Variants in PAK3 observed in about 807,000 individuals in gnomAD.
The protein encoded by PAK3 is serine/threonine-protein kinase PAK 3.
Under a neutral mutation model 41.0 loss-of-function variants are expected in PAK3, and 4 were observed. The ratio of observed to expected loss-of-function variants is 0.10; its 90% CI spans 0.05 to 0.22. The LOEUF is 0.22. PAK3 is among the 10% of genes least tolerant of loss of function. PAK3 has a pLI of 1.00. For missense variants in PAK3, 205 were observed against 409.9 expected (o/e 0.50, Z 4.32); for synonymous variants, 146 against 139.6 (o/e 1.05, Z -0.32).
intron 1 of PAK3, among the ~76,000 whole-genome samples, chrX:111,041,972 A>G (rs1181212169): frequency 1.8e-5 from 2 of 111,396 alleles, no homozygotes; most frequent in South Asian, 3.8e-4. Context: ...ATATTTCTTT[A>G]TTACTGCATA....
intron 1 of PAK3, among the ~76,000 whole-genome samples, chrX:111,000,787 C>T (rs1208071606): frequency 8.9e-6 from 1 of 111,901 alleles, no homozygotes; most frequent in Non-Finnish European, 1.9e-5. Context: ...TTAAAACTAG[C>T]CCTGCCCTCC....
intron 1 of PAK3, among the ~76,000 whole-genome samples, chrX:110,977,197 C>T (rs2148647724): frequency 9.1e-6 from 1 of 109,836 alleles, no homozygotes; most frequent in Admixed American, 9.8e-5. Flanking sequence ...TTGTTTGAAT[C>T]ATCTTGAGAT....
chrX:111,176,179 C>T (rs2094401641), intron 11 of PAK3, among the ~76,000 whole-genome samples: 1 of 110,710 alleles, frequency 9.0e-6, no homozygotes, highest in African/African-American at 3.3e-5. Context: ...AGCTGTCTGC[C>T]AACTCCGTCT....
intron 5 of PAK3, among the ~76,000 whole-genome samples, chrX:111,132,713 T>G (rs1377481692): frequency 1.8e-5 from 2 of 111,778 alleles, no homozygotes; most frequent in Non-Finnish European, 3.8e-5. Flanking sequence ...CTATCTCAGT[T>G]TAAAAGTTAG....
chrX:111,006,708 A>G (rs555474777), intron 1 of PAK3, among the ~76,000 whole-genome samples: 14 of 111,300 alleles, frequency 1.3e-4, no homozygotes, highest in African/African-American at 4.2e-4. Context: ...ATCCTACATC[A>G]GTGTTTCTTC....
intron 16 of PAK3, among the ~76,000 whole-genome samples, chrX:111,199,685 G>A (rs999482499): frequency 1.8e-5 from 2 of 111,738 alleles, no homozygotes; most frequent in Non-Finnish European, 3.8e-5. Context: ...GGTGAAATCA[G>A]AAACTTAATT....
intron 10 of PAK3, among the ~76,000 whole-genome samples, chrX:111,169,062 T>A (rs1306337123): frequency 1.8e-5 from 2 of 111,686 alleles, no homozygotes; most frequent in Non-Finnish European, 3.8e-5. Flanking sequence ...CCTTAAACCA[T>A]GGAGCATTTA....
chrX:111,080,356 C>T (rs1185601870), intron 1 of PAK3, among the ~76,000 whole-genome samples: 3 of 111,708 alleles, frequency 2.7e-5, no homozygotes, highest in Non-Finnish European at 5.6e-5. Flanking sequence ...CAGGTAGGAC[C>T]CTCCATCAGC....
At chrX:111,008,923 G>C (rs1005430305) in intron 1 of PAK3, among the ~76,000 whole-genome samples, 5 of 111,288 alleles carry the variant, frequency 4.5e-5, no homozygotes, top group African/African-American at 1.6e-4. Flanking sequence ...GACACAAATA[G>C]GCATTTATTG....
At chrX:111,104,162 A>T (rs2093206059) in intron 4 of PAK3, among the ~76,000 whole-genome samples, 1 of 111,393 alleles carries the variant, frequency 9.0e-6, no homozygotes, top group African/African-American at 3.3e-5. Context: ...TCAGGCAGGC[A>T]TTATAACTTC....
At chrX:111,046,464 C>T (rs1014877362) in intron 1 of PAK3, among the ~76,000 whole-genome samples, 2 of 111,587 alleles carry the variant, frequency 1.8e-5, no homozygotes, top group Non-Finnish European at 3.8e-5. Context: ...ACCATATATA[C>T]TTGTTGTGAG....
At chrX:111,162,690 A>G (rs187574275) in intron 8 of PAK3, among the ~76,000 whole-genome samples, 1 of 111,594 alleles carries the variant, frequency 9.0e-6, no homozygotes, top group African/African-American at 3.3e-5. Flanking sequence ...ATTACACTTC[A>G]TGGTTTTTTA....
At position 111,105,975 on chromosome X, in the gene PAK3, GCACAT is replaced by G. The variant is rs771941515; in HGVS notation, c.-28+2670_-28+2674del. ...ACAAATTCACATAAACATACATACT[GCACAT>G]GTACTTAACACTCACATATTCACTC... is the stretch of plus-strand genomic sequence containing the variant. On this transcript the variant is annotated intron_variant, in intron 4 of 17. Transcript: ENST00000372007. Among the ~76,000 whole-genome samples, 50 of 111,473 alleles carry G rather than the reference GCACAT, an allele frequency of 4.5e-4. 1 individual carries two copies. Among genetic ancestry groups the G allele is most frequent in the Non-Finnish European group, 5.7e-4 (30 of 53,061 alleles).
intron 1 of PAK3, among the ~76,000 whole-genome samples, chrX:111,090,124 A>G (rs1246765657): frequency 1.8e-5 from 2 of 110,329 alleles, no homozygotes; most frequent in Non-Finnish European, 3.8e-5. Context: ...GCCCACAACC[A>G]ATCTCCCTCA....
intron 1 of PAK3, among the ~76,000 whole-genome samples, chrX:111,043,696 T>C (rs975119256): frequency 8.9e-6 from 1 of 112,282 alleles, no homozygotes; most frequent in Admixed American, 9.4e-5. Flanking sequence ...AGTTTACTAA[T>C]TAAGTTTTCC....
intron 1 of PAK3, among the ~76,000 whole-genome samples, chrX:110,948,584 CT>C (rs1462066469): frequency 1.8e-5 from 2 of 111,872 alleles, no homozygotes; most frequent in Non-Finnish European, 3.8e-5. Context: ...TTCCCAGAAC[CT>C]TTTTTTCTTT....
At chrX:111,036,760 G>C (rs962858034) in intron 1 of PAK3, among the ~76,000 whole-genome samples, 5 of 111,250 alleles carry the variant, frequency 4.5e-5, no homozygotes, top group African/African-American at 1.6e-4. Context: ...CCATCATTTA[G>C]TCCCCCGATT....
chrX:111,091,917 G>A (rs1197732612), upstream of PAK3, among the ~76,000 whole-genome samples: 2 of 111,838 alleles, frequency 1.8e-5, no homozygotes, highest in East Asian at 5.6e-4. Flanking sequence ...AGCAAAAGAT[G>A]TGAAGACTGA....
chrX:111,100,658 C>T (rs937346337), intron 3 of PAK3, among the ~76,000 whole-genome samples: 3 of 111,844 alleles, frequency 2.7e-5, no homozygotes, highest in Admixed American at 9.4e-5. Flanking sequence ...TAGACAGCTT[C>T]GGTGCTGAGC....
Sources: allele counts gnomAD v4.1 joint callset (sites outside exome capture counted in the v4.1 genomes callset), GRCh38; gene constraint gnomAD v4.1.1; transcripts MANE v1.5; gene names NCBI Gene and HGNC (gene_info 2026-07-23, HGNC 2026-07-21).